The following RSBN1L variants were observed in gnomAD, a reference collection of about 807,000 sequenced individuals.
RSBN1L encodes the protein lysine-specific demethylase RSBN1L.
A neutral mutation model predicts 67.7 loss-of-function variants in RSBN1L; 30 were observed. The ratio of observed to expected loss-of-function variants is 0.44; its 90% confidence interval spans 0.33 to 0.60. The LOEUF (loss-of-function observed/expected upper bound fraction) is 0.60. RSBN1L is among the 20% of genes least tolerant of loss of function. The probability of loss-of-function intolerance (pLI) is 0.02; values close to 1 mark genes in which losing one functional copy is unlikely to be tolerated. For synonymous variants in RSBN1L, 433 were observed against 387.0 expected (o/e 1.12, Z -1.39); for missense variants, 992 against 1,031.7 (o/e 0.96, Z 0.53).
At chr7:77,739,087 C>T (rs750965861) in intron 2 of RSBN1L, among the ~76,000 whole-genome samples, 3 of 152,190 alleles carry the variant, frequency 2.0e-5, no homozygotes, top group Admixed American at 6.5e-5. Flanking sequence ...TCTGTTGTTA[C>T]TATCTACGAG....
At position 77,780,496 on chromosome 7, in the gene RSBN1L, T is replaced by C. The variant is rs905199666; in HGVS notation, c.*1328T>C. On this transcript the variant is annotated 3_prime_UTR_variant, in exon 8 of 8. Transcript: ENST00000334955. ...TTTAGAGAATTTTCTTACTAGTAAG[T>C]ACCTTTACTAAGTAATAGCTAAGTA... 6.6e-6 allele frequency: 1 copy of C among 152,178 alleles called. No individual in the cohort carries two copies. Among genetic ancestry groups the C allele is most frequent in the Non-Finnish European group, 1.5e-5 (1 of 68,028 alleles). 9.4% of individuals were successfully genotyped at this position (152,178 alleles called of 1,614,324 possible).
chr7:77,703,688 A>G (rs536417192), intron 1 of RSBN1L, among the ~76,000 whole-genome samples: 6 of 151,878 alleles, frequency 4.0e-5, no homozygotes, highest in East Asian at 1.9e-4. Flanking sequence ...GGGTTTCACT[A>G]TGTTGGCCAG....
At chr7:77,716,009 T>C (rs1014854556) in intron 1 of RSBN1L, among the ~76,000 whole-genome samples, 4 of 152,218 alleles carry the variant, frequency 2.6e-5, no homozygotes, top group Non-Finnish European at 5.9e-5. Context: ...ATCAGATACA[T>C]GTTTTGCAAA....
At chr7:77,774,978 C>T (rs1021374907) in intron 6 of RSBN1L, among the ~76,000 whole-genome samples, 15 of 152,238 alleles carry the variant, frequency 9.9e-5, no homozygotes, top group African/African-American at 3.4e-4. Flanking sequence ...CCTCCTGCCT[C>T]AGCCTCCTGA....
Position 77,782,874 on chromosome 7 carries a change from A to C in RSBN1L, c.*3706A>C, listed in dbSNP as rs1792017271. The C allele has an allele frequency of 1.3e-5, 2 of 152,124 alleles. No homozygotes were observed. Among genetic ancestry groups the C allele is most frequent in the Admixed American group, 1.3e-4 (2 of 15,264 alleles). The allele number at this position is 152,124 out of a possible 1,614,324, so 9.4% of individuals were successfully genotyped here. The stretch of plus-strand genomic sequence containing the variant: ...ACTAGCACCGTTTGGGTAAATTTGC[A>C]TTATTTTTTGGACAGGTTCATTGTC... On this transcript the variant is annotated 3_prime_UTR_variant, in exon 8 of 8. Transcript: ENST00000334955.
chr7:77,752,125 A>C (rs1001832416), intron 3 of RSBN1L, among the ~76,000 whole-genome samples: 1 of 152,202 alleles, frequency 6.6e-6, no homozygotes, highest in Non-Finnish European at 1.5e-5. Flanking sequence ...TAATCATGGC[A>C]GTGTGTGCCT....
intron 1 of RSBN1L, among the ~76,000 whole-genome samples, chr7:77,728,711 G>T (rs1791238054): frequency 6.6e-6 from 1 of 152,224 alleles, no homozygotes; most frequent in African/African-American, 2.4e-5. Context: ...ACACAAGATG[G>T]TGAAGAAGCT....
chr7:77,753,637 C>T (rs1009242512), intron 3 of RSBN1L, among the ~76,000 whole-genome samples: 1 of 152,072 alleles, frequency 6.6e-6, no homozygotes, highest in Non-Finnish European at 1.5e-5. Flanking sequence ...ATTTATAATC[C>T]ATTTATGATA....
intron 1 of RSBN1L, among the ~76,000 whole-genome samples, chr7:77,711,474 G>A (rs776403761): frequency 1.3e-5 from 2 of 151,952 alleles, no homozygotes; most frequent in Non-Finnish European, 2.9e-5. Context: ...TGAGTAGCTA[G>A]GACTACAGGT....
rs1371394895 is a variant in RSBN1L, at chr7:77,706,697, C to T, written c.586+9642C>T. Among the ~76,000 whole-genome samples the T allele has an allele frequency of 1.3e-5, 2 of 152,142 alleles. 1 individual carries two copies. ...TTGATTTCAGATACCAGAGTAAATA[C>T]TGTAAGTTTATTGTTACCTGTATGG... On this transcript the variant is annotated intron_variant, in intron 1 of 7. Transcript: ENST00000334955.
chr7:77,718,692 T>G (rs1392220131), intron 1 of RSBN1L, among the ~76,000 whole-genome samples: 1 of 152,216 alleles, frequency 6.6e-6, no homozygotes, highest in African/African-American at 2.4e-5. Context: ...TTATCTATAA[T>G]AAGACTTTGT....
At chr7:77,771,173 C>T (rs529119393) in intron 5 of RSBN1L, among the ~76,000 whole-genome samples, 4 of 152,342 alleles carry the variant, frequency 2.6e-5, no homozygotes, top group African/African-American at 9.6e-5. Flanking sequence ...ATCTCTTGAT[C>T]TCGTGATCCT....
At position 77,742,182 on chromosome 7, in the gene RSBN1L, TACACACACACACAC is replaced by T. The variant is rs1169498942; in HGVS notation, c.703+5679_703+5692del. ...CCATCTTTAAAAAAAAAAAAAAAAA[TACACACACACACAC>T]ACACACACACACACACACACACGGC... is the stretch of plus-strand genomic sequence containing the variant. On this transcript the variant is annotated intron_variant, in intron 2 of 7. Coordinates refer to ENST00000334955, the MANE Select transcript of RSBN1L (RefSeq NM_198467.3). 5.7e-3 allele frequency among the ~76,000 whole-genome samples: 455 copies of T among 80,324 alleles called. 5 individuals are homozygous for T. Among genetic ancestry groups the T allele is most frequent in the African/African-American group, 0.016 (277 of 17,166 alleles). The allele number at this position is 80,324 out of a possible 152,430, so 52.7% of individuals were successfully genotyped here.
intron 1 of RSBN1L, among the ~76,000 whole-genome samples, chr7:77,721,791 A>ATC (rs1791123587): frequency 6.6e-6 from 1 of 152,190 alleles, no homozygotes; most frequent in Admixed American, 6.5e-5. Context: ...TTCTGTTTTT[A>ATC]GATAGGCAGA....
intron 1 of RSBN1L, among the ~76,000 whole-genome samples, chr7:77,729,710 T>C (rs967420665): frequency 6.6e-6 from 1 of 152,328 alleles, no homozygotes; most frequent in South Asian, 2.1e-4. Context: ...CCCAGCACTT[T>C]GGGAGGCTGA....
At chr7:77,716,201 C>T (rs1791045677) in intron 1 of RSBN1L, among the ~76,000 whole-genome samples, 1 of 152,158 alleles carries the variant, frequency 6.6e-6, no homozygotes, top group Non-Finnish European at 1.5e-5. Context: ...TTAGATTTCT[C>T]TAGGCATTTT....
chr7:77,703,900 C>T (rs1052706686), intron 1 of RSBN1L, among the ~76,000 whole-genome samples: 3 of 152,168 alleles, frequency 2.0e-5, no homozygotes, highest in Non-Finnish European at 2.9e-5. Context: ...AAGGATTCTC[C>T]TGCTTCACCC....
At chr7:77,742,046 G>C (rs1244965819) in intron 2 of RSBN1L, among the ~76,000 whole-genome samples, 1 of 151,648 alleles carries the variant, frequency 6.6e-6, no homozygotes, top group African/African-American at 2.4e-5. Flanking sequence ...TATAGTGAAG[G>C]AGGACAGGCA....
At chr7:77,731,143 G>A (rs1791266608) in intron 1 of RSBN1L, among the ~76,000 whole-genome samples, 1 of 152,186 alleles carries the variant, frequency 6.6e-6, no homozygotes, top group African/African-American at 2.4e-5. Context: ...GGAGTATCTT[G>A]TCCTATGCTT....
Sources: gnomAD v4.1 joint callset for allele counts (sites outside exome capture counted in the v4.1 genomes callset) on GRCh38, gnomAD v4.1.1 for gene constraint, MANE v1.5 for transcripts, NCBI Gene and HGNC (gene_info 2026-07-23, HGNC 2026-07-21) for gene names.